The following ACCSL variants were observed in gnomAD, a reference collection of about 807,000 sequenced individuals.
ACCSL encodes 1-aminocyclopropane-1-carboxylate synthase homolog (inactive) like, also known as probable inactive 1-aminocyclopropane-1-carboxylate synthase-like protein 2.
In ACCSL, 55 loss-of-function variants were observed where a neutral mutation model predicts 61.7. The ratio of observed to expected loss-of-function variants is 0.89; its 90% CI spans 0.72 to 1.12. ACCSL has a LOEUF of 1.12. Ranked by LOEUF, ACCSL falls within the 50% of genes most tolerant of loss-of-function variation. ACCSL has a pLI of 0.00. For missense variants in ACCSL, 632 were observed against 698.0 expected (o/e 0.91, Z 1.07); for synonymous variants, 258 against 264.3 (o/e 0.98, Z 0.23).
the ACCSL span, among the ~76,000 whole-genome samples, chr11:43,940,036 C>T: frequency 1.3e-5 from 2 of 152,220 alleles, no homozygotes; most frequent in Non-Finnish European, 2.9e-5. Flanking sequence ...TACCCTAATC[C>T]AAGCCTTCAG....
At chr11:44,026,854 C>T in the ACCSL span, among the ~76,000 whole-genome samples, 10 of 152,056 alleles carry the variant, frequency 6.6e-5, no homozygotes, top group Admixed American at 1.3e-4. Context: ...CTCAGCCTCC[C>T]GAGTAGTTGG....
Position 44,056,060 on chromosome 11 carries a change from C to A in ACCSL, c.1160C>A (p.Thr387Asn). 1 of 1,614,204 alleles carries A rather than the reference C, an allele frequency of 6.2e-7. No homozygotes were observed. The highest frequency in any genetic ancestry group is 1.1e-5 in the South Asian group (1 of 91,084). The change falls in exon 10 of 14, where the codon ACC becomes AAC. Residue 387 changes from threonine (T) to asparagine (N), a missense_variant. Coordinates refer to ENST00000378832, the MANE Select transcript of ACCSL (RefSeq NM_001031854.2). Reference sequence around the variant, plus strand: ...TTCAGTTTGCCTGATAGCAACAGGACCCATGTGATCTGGGGTACCAGTAAG... The same window carrying A: ...TTCAGTTTGCCTGATAGCAACAGGAACCATGTGATCTGGGGTACCAGTAAG... ...SMKSLPDSNRTHVIWGTSKDF... is the reference protein window; with the variant it reads ...SMKSLPDSNRNHVIWGTSKDF...
chr11:43,997,355 C>T, the ACCSL span, among the ~76,000 whole-genome samples: 5 of 152,082 alleles, frequency 3.3e-5, no homozygotes, highest in Non-Finnish European at 5.9e-5. Context: ...AGGATTCTTC[C>T]GGCTTCCTCC....
the ACCSL span, chr11:43,945,412 C>G: frequency 1.3e-5 from 2 of 152,230 alleles, no homozygotes; most frequent in African/African-American, 4.8e-5. Flanking sequence ...GCCCCTCTCT[C>G]TGTCTTACCT....
the ACCSL span, among the ~76,000 whole-genome samples, chr11:43,931,004 A>G: frequency 2.6e-5 from 4 of 152,208 alleles, no homozygotes; most frequent in Non-Finnish European, 4.4e-5. Context: ...GAAAACACTG[A>G]CCCAGCTCAT....
the ACCSL span, among the ~76,000 whole-genome samples, chr11:43,988,458 G>A: frequency 2.6e-5 from 4 of 151,818 alleles, no homozygotes; most frequent in South Asian, 4.2e-4. Context: ...AGGGTGTTAC[G>A]GAGCCATGGA....
chr11:43,944,003 C>A, the ACCSL span: 2 of 556,554 alleles, frequency 3.6e-6, no homozygotes, highest in Non-Finnish European at 5.5e-6. Flanking sequence ...GCTACCTCCA[C>A]AAGCTTCGGT....
chr11:44,042,303 A>C, the ACCSL span, among the ~76,000 whole-genome samples: 1 of 152,168 alleles, frequency 6.6e-6, no homozygotes, highest in Non-Finnish European at 1.5e-5. Context: ...TTAGGGAGTT[A>C]GCTCTTTTCT....
the ACCSL span, among the ~76,000 whole-genome samples, chr11:44,038,345 G>GT: frequency 2.6e-5 from 4 of 152,272 alleles, no homozygotes; most frequent in East Asian, 7.7e-4. Context: ...TACCTGTTGT[G>GT]TTTTATACAG....
the ACCSL span, among the ~76,000 whole-genome samples, chr11:43,967,180 T>TA: frequency 7.8e-6 from 1 of 128,768 alleles, no homozygotes. Flanking sequence ...TTTTTTTTTT[T>TA]TTTTTTTTTT....
Position 44,050,076 on chromosome 11 carries a change from T to C in ACCSL, c.519T>C (p.Leu173=). The change falls in exon 2 of 14, where the codon CTT becomes CTC. Residue 173 remains leucine, a synonymous_variant. Transcript: ENST00000378832. ...KDKNTLGFIN[L]GTSENKLCMD... is the part of the protein sequence containing the mutation. Reference sequence around the variant, plus strand: ...TCCATCTCCAGGGTTTCATTAACCTTGGCACCAGTGAGAACAAGCTCTGCA... The same window carrying C: ...TCCATCTCCAGGGTTTCATTAACCTCGGCACCAGTGAGAACAAGCTCTGCA... 1 of 1,614,180 alleles carries C rather than the reference T, an allele frequency of 6.2e-7. No homozygotes were observed. The highest frequency in any genetic ancestry group is 8.5e-7 in the Non-Finnish European group (1 of 1,180,026).
chr11:44,049,419 CAAAAAA>C (rs33944147), intron 1 of ACCSL, among the ~76,000 whole-genome samples: 2 of 33,950 alleles, frequency 5.9e-5, no homozygotes, highest in Non-Finnish European at 5.3e-5. Flanking sequence ...GACCCTGTCT[CAAAAAA>C]AAAAAAAAAA....
At chr11:44,009,203 G>A in the ACCSL span, among the ~76,000 whole-genome samples, 1 of 151,958 alleles carries the variant, frequency 6.6e-6, no homozygotes. Context: ...AATGCCTAGT[G>A]CTCCATAAAT....
the ACCSL span, among the ~76,000 whole-genome samples, chr11:43,936,258 T>C: frequency 6.6e-6 from 1 of 152,144 alleles, no homozygotes; most frequent in African/African-American, 2.4e-5. Flanking sequence ...CTCTTTTAAA[T>C]TGTGAGTCAG....
chr11:44,042,494 AT>A, the ACCSL span, among the ~76,000 whole-genome samples: 2 of 150,174 alleles, frequency 1.3e-5, no homozygotes, highest in Non-Finnish European at 3.0e-5. Context: ...TTTTATTTTT[AT>A]TTTTTTTTGT....
At chr11:44,018,600 G>T in the ACCSL span, among the ~76,000 whole-genome samples, 2 of 152,194 alleles carry the variant, frequency 1.3e-5, no homozygotes, top group African/African-American at 2.4e-5. Flanking sequence ...CATTCTAGAT[G>T]GGTTTCTAGA....
At chr11:43,976,484 G>A in the ACCSL span, among the ~76,000 whole-genome samples, 2 of 152,166 alleles carry the variant, frequency 1.3e-5, no homozygotes, top group South Asian at 4.1e-4. Flanking sequence ...ATTTGTTAAG[G>A]TAATGAGAGC....
chr11:44,033,979 G>C, the ACCSL span, among the ~76,000 whole-genome samples: 2 of 152,212 alleles, frequency 1.3e-5, no homozygotes, highest in East Asian at 3.9e-4. Flanking sequence ...GGATGGGGGT[G>C]GGGGCAGTGG....
In ACCSL at chr11:44,050,621, T is replaced by G. The variant is rs1404857060; in HGVS notation, c.634T>G (p.Phe212Val). The change falls in exon 3 of 14, where the codon TTC becomes GTC. Residue 212 changes from phenylalanine to valine, a missense_variant and splice_region_variant. Phe to Val is a conservative substitution (Grantham distance 50). Coordinates refer to ENST00000378832, the MANE Select transcript of ACCSL (RefSeq NM_001031854.2). ...LQYPDWRGQP[F>V]LREEVARFLT... Reference sequence around the variant, plus strand: ...GTACCCTGATTGGAGAGGGCAGCCATTGTAAGTGACCTTCAGATTTAGAGT... The same window carrying G: ...GTACCCTGATTGGAGAGGGCAGCCAGTGTAAGTGACCTTCAGATTTAGAGT... The G allele has an allele frequency of 6.2e-7, 1 of 1,613,848 alleles. No homozygotes were observed. The highest frequency in any genetic ancestry group is 8.5e-7 in the Non-Finnish European group (1 of 1,179,894).
Sources: allele counts gnomAD v4.1 joint callset (sites outside exome capture counted in the v4.1 genomes callset), GRCh38; gene constraint gnomAD v4.1.1; transcripts MANE v1.5; gene names NCBI Gene and HGNC (gene_info 2026-07-23, HGNC 2026-07-21).